Variants in MICAL3 observed in about 807,000 individuals in gnomAD.
The protein encoded by MICAL3 is [F-actin]-monooxygenase MICAL3.
MICAL3 carries 62 observed loss-of-function variants against 207.4 expected under a neutral mutation model. That is an observed-to-expected ratio of 0.30 (90% confidence interval 0.24 to 0.37). MICAL3 has a LOEUF of 0.37. Among genes scored for constraint, MICAL3 ranks in the 10% least tolerant of loss-of-function variants. MICAL3 has a pLI of 1.00. For synonymous variants in MICAL3, 1,077 were observed against 1,069.3 expected (o/e 1.01, Z -0.14); for missense variants, 2,368 against 2,635.6 (o/e 0.90, Z 2.22).
Position 17,902,595 on chromosome 22 carries a change from C to G in MICAL3, c.589+36G>C, listed in dbSNP as rs1436418939. ...CTCATCTTCCTCACCCATCAACACC[C>G]TCTCACGCCTTCTTCACTCCTCCAG... is the stretch of plus-strand genomic sequence containing the variant. On this transcript the variant is annotated intron_variant, in intron 4 of 31. Coordinates refer to ENST00000441493, the MANE Select transcript of MICAL3 (RefSeq NM_015241.3). The surrounding 1 kb of genome is among the most constrained non-coding windows in gnomAD (Gnocchi z 4.5). The G allele has an allele frequency of 7.8e-7, 1 of 1,282,480 alleles. No individual in the cohort carries two copies. Among genetic ancestry groups the G allele is most frequent in the Non-Finnish European group, 1.1e-6 (1 of 898,888 alleles). 79.4% of individuals were successfully genotyped at this position (1,282,480 alleles called of 1,614,324 possible).
intron 23 of MICAL3, 28 bp from the exon 24 acceptor site, chr22:17,822,198 T>G (rs1252691188): frequency 6.2e-7 from 1 of 1,608,366 alleles, no homozygotes. Flanking sequence ...CAGAAGTGGG[T>G]GCACACCCTA....
At chr22:17,944,525 G>A (rs540969220) in intron 1 of MICAL3, among the ~76,000 whole-genome samples, 6 of 152,286 alleles carry the variant, frequency 3.9e-5, no homozygotes, top group Non-Finnish European at 7.4e-5. Context: ...GAGCAGAGCC[G>A]ACCCAGCCTC....
At chr22:17,956,282 C>T (rs1934609739) in intron 1 of MICAL3, among the ~76,000 whole-genome samples, 1 of 152,198 alleles carries the variant, frequency 6.6e-6, no homozygotes, top group South Asian at 2.1e-4. Flanking sequence ...CAGACAGTTG[C>T]AGAAAGGGGA....
In MICAL3 at chr22:17,849,169, C is replaced by T. The variant is rs145710944; in HGVS notation, c.2606-7152G>A. Among the ~76,000 whole-genome samples the T allele has an allele frequency of 1.3e-3, 205 of 152,340 alleles. 2 individuals carry two copies. The highest frequency in any genetic ancestry group is 3.8e-3 in the African/African-American group (159 of 41,580). ...GAGCGACTACCTGTGCCGGGCACGACGACAGGCAGGCTCTACACACGGCCT... is the reference window on the plus strand; with the variant it reads ...GAGCGACTACCTGTGCCGGGCACGATGACAGGCAGGCTCTACACACGGCCT... On this transcript the variant is annotated intron_variant, in intron 19 of 31. Transcript: ENST00000441493.
At chr22:17,954,960 G>C (rs1301516348) in intron 1 of MICAL3, among the ~76,000 whole-genome samples, 3 of 152,060 alleles carry the variant, frequency 2.0e-5, no homozygotes, top group Non-Finnish European at 4.4e-5. Context: ...CTGACCTCAA[G>C]TGATCCTCCC....
At chr22:17,826,876 C>T (rs1421822206) in intron 22 of MICAL3, among the ~76,000 whole-genome samples, 2 of 137,488 alleles carry the variant, frequency 1.5e-5, no homozygotes, top group Non-Finnish European at 3.3e-5. Flanking sequence ...GAACAAACGT[C>T]TTATTAATGC....
chr22:17,946,338 C>T (rs528071592), intron 1 of MICAL3, among the ~76,000 whole-genome samples: 1 of 152,372 alleles, frequency 6.6e-6, no homozygotes, highest in South Asian at 2.1e-4. Flanking sequence ...GCCAGCACAG[C>T]TTGCATTCTC....
At chr22:17,994,220 G>A (rs1298539315) in intron 1 of MICAL3, among the ~76,000 whole-genome samples, 1 of 152,200 alleles carries the variant, frequency 6.6e-6, no homozygotes, top group Non-Finnish European at 1.5e-5. Context: ...GTGGAGGAGG[G>A]AGGAATATGG....
chr22:17,978,517 C>T (rs1935756959), intron 1 of MICAL3, among the ~76,000 whole-genome samples: 1 of 144,374 alleles, frequency 6.9e-6, no homozygotes, highest in Non-Finnish European at 1.5e-5. Flanking sequence ...GAACTGTACA[C>T]TTTTTTTTTT....
chr22:17,855,600 G>C (rs1042834743), intron 19 of MICAL3, among the ~76,000 whole-genome samples: 1 of 152,168 alleles, frequency 6.6e-6, no homozygotes, highest in African/African-American at 2.4e-5. Context: ...CCAAAACGAA[G>C]GATGATATAG....
intron 15 of MICAL3, among the ~76,000 whole-genome samples, 148 bp downstream of exon 15, chr22:17,887,005 AAAAAAAAAAAAGAAAAT>A (rs1929965605): frequency 1.4e-5 from 2 of 147,754 alleles, no homozygotes; most frequent in African/African-American, 2.5e-5. Flanking sequence ...AAAAAAAAAA[AAAAAAAAAAAAGAAAAT>A]AAAAAAAAGA....
rs185561196 is a variant in MICAL3, at chr22:17,904,846, A to C, written c.265-7T>G. 5.9e-5 allele frequency: 94 copies of C among 1,606,804 alleles called. No homozygotes were observed. The African/African-American group carries it at 1.1e-3, about 19-fold the overall frequency. ...CAGCCCCAATGATGAGACACTGAAA[A>C]ACACAGCTGCTTTCAGGGCAGGCGG... is the stretch of plus-strand genomic sequence containing the variant. On this transcript the variant is annotated splice_region_variant and splice_polypyrimidine_tract_variant and intron_variant, in intron 2 of 31. Transcript: ENST00000441493.
At chr22:17,892,917 C>T (rs1166939946) in intron 11 of MICAL3, among the ~76,000 whole-genome samples, 1 of 152,158 alleles carries the variant, frequency 6.6e-6, no homozygotes, top group Non-Finnish European at 1.5e-5. Flanking sequence ...GATCAATTGC[C>T]CCTGCCCATC....
At chr22:17,986,908 A>G (rs142882936) in intron 1 of MICAL3, among the ~76,000 whole-genome samples, 1 of 152,152 alleles carries the variant, frequency 6.6e-6, no homozygotes, top group African/African-American at 2.4e-5. Context: ...ATTCCATTTT[A>G]TTTTCTAGAG....
chr22:17,894,255 T>A (rs937067164), intron 10 of MICAL3, among the ~76,000 whole-genome samples: 21 of 151,412 alleles, frequency 1.4e-4, no homozygotes, highest in Admixed American at 4.6e-4. Context: ...CTACAAAAAA[T>A]TTAAAAATTA....
chr22:17,819,470 G>A (rs570084462), intron 25 of MICAL3, among the ~76,000 whole-genome samples: 15 of 152,284 alleles, frequency 9.9e-5, no homozygotes, highest in African/African-American at 3.4e-4. Flanking sequence ...AGGCCCCAGA[G>A]CGCCAAGATC....
chr22:17,920,686 T>C (rs1414478479), intron 1 of MICAL3, among the ~76,000 whole-genome samples: 1 of 152,078 alleles, frequency 6.6e-6, no homozygotes, highest in Non-Finnish European at 1.5e-5. Context: ...CTACTAAACA[T>C]TTCCATTTAG....
At chr22:18,010,146 C>T (rs1923627001) in intron 1 of MICAL3, among the ~76,000 whole-genome samples, 1 of 136,508 alleles carries the variant, frequency 7.3e-6, no homozygotes, top group South Asian at 2.3e-4. Flanking sequence ...TTGAAACCGC[C>T]AGCATGCACA....
At chr22:17,842,982 A>G (rs534189366) in intron 19 of MICAL3, among the ~76,000 whole-genome samples, 2 of 152,142 alleles carry the variant, frequency 1.3e-5, no homozygotes, top group South Asian at 4.2e-4. Context: ...TTAACCAGGC[A>G]CGGTGGCGGG....
Sources: allele counts gnomAD v4.1 joint callset (sites outside exome capture counted in the v4.1 genomes callset), GRCh38; gene constraint gnomAD v4.1.1; non-coding constraint Gnocchi (gnomAD v3.1); transcripts MANE v1.5; gene names NCBI Gene and HGNC (gene_info 2026-07-23, HGNC 2026-07-21).